TINAG: variants seen among roughly 807,000 people sequenced by gnomAD.
TINAG encodes tubulointerstitial nephritis antigen.
A neutral mutation model predicts 72.7 loss-of-function variants in TINAG; 83 were observed. The observed-to-expected ratio is 1.14, with a 90% CI of 0.96 to 1.37. The LOEUF is 1.37. Among genes scored for constraint, TINAG ranks in the 40% most tolerant of loss-of-function variants. TINAG has a pLI of 0.00. For missense variants in TINAG, 685 were observed against 576.6 expected (o/e 1.19, Z -1.93); for synonymous variants, 234 against 189.9 (o/e 1.23, Z -1.91).
chr6:54,383,559 G>A (rs1378833077), intron 10 of TINAG, among the ~76,000 whole-genome samples: 1 of 152,080 alleles, frequency 6.6e-6, no homozygotes, highest in African/African-American at 2.4e-5. Context: ...TGGGCATAAA[G>A]TGAGGACTGG....
chr6:54,335,519 T>C (rs1253833090), intron 4 of TINAG, among the ~76,000 whole-genome samples: 1 of 152,192 alleles, frequency 6.6e-6, no homozygotes, highest in Admixed American at 6.5e-5. Context: ...ACTAAATTTC[T>C]GAGTGTTAGA....
chr6:54,319,697 T>C (rs1784446767), intron 1 of TINAG, among the ~76,000 whole-genome samples: 1 of 152,180 alleles, frequency 6.6e-6, no homozygotes, highest in South Asian at 2.1e-4. Context: ...TTTCTAAACC[T>C]ATAGTTTGCC....
chr6:54,382,799 C>T (rs1763989570), intron 10 of TINAG, among the ~76,000 whole-genome samples: 1 of 152,040 alleles, frequency 6.6e-6, no homozygotes, highest in Non-Finnish European at 1.5e-5. Flanking sequence ...GGACAAAGAA[C>T]AATAGATTTT....
intron 2 of TINAG, among the ~76,000 whole-genome samples, chr6:54,320,967 A>G (rs993669410): frequency 1.3e-5 from 2 of 152,140 alleles, no homozygotes; most frequent in East Asian, 1.9e-4. Context: ...CACAGTAACT[A>G]TATAAAAACA....
chr6:54,310,510 TTC>T (rs1784218257), intron 1 of TINAG, among the ~76,000 whole-genome samples: 1 of 150,686 alleles, frequency 6.6e-6, no homozygotes, highest in Non-Finnish European at 1.5e-5. Context: ...TTCTTTCTCT[TTC>T]TTTCTTTTCT....
chr6:54,386,991 C>T (rs1044307151), intron 10 of TINAG, among the ~76,000 whole-genome samples: 1 of 151,552 alleles, frequency 6.6e-6, no homozygotes, highest in African/African-American at 2.4e-5. Flanking sequence ...AAAAATGTAT[C>T]TATCTATCTA....
chr6:54,358,634 G>A, intron 9 of TINAG, among the ~76,000 whole-genome samples: 1 of 151,642 alleles, frequency 6.6e-6, no homozygotes, highest in East Asian at 2.0e-4. Flanking sequence ...GTGCTCATCA[G>A]ATCAACCTTT....
At chr6:54,383,370 T>C (rs952988) in intron 10 of TINAG, among the ~76,000 whole-genome samples, 11,772 of 152,200 alleles carry the variant, frequency 0.077, 531 homozygotes, top group Non-Finnish European at 0.084. Flanking sequence ...ATAAACCTAT[T>C]TTTATAATAA....
intron 4 of TINAG, among the ~76,000 whole-genome samples, chr6:54,339,448 T>C (rs1029980266): frequency 1.3e-5 from 2 of 151,876 alleles, no homozygotes; most frequent in Admixed American, 1.3e-4. Context: ...GACAAAGGAG[T>C]AAAAGTCAAG....
intron 9 of TINAG, among the ~76,000 whole-genome samples, chr6:54,357,906 A>T (rs993951198): frequency 6.6e-6 from 1 of 151,904 alleles, no homozygotes. Flanking sequence ...ATTCCATCAG[A>T]TTAAAAGCCA....
At chr6:54,372,731 T>C (rs1381549491) in intron 9 of TINAG, among the ~76,000 whole-genome samples, 20 of 3,332 alleles carry the variant, frequency 6.0e-3, no homozygotes, top group African/African-American at 0.025. Flanking sequence ...TACATACATA[T>C]ATATATATAT....
At chr6:54,381,426 A>G (rs1167495635) in intron 10 of TINAG, among the ~76,000 whole-genome samples, 1 of 152,008 alleles carries the variant, frequency 6.6e-6, no homozygotes, top group Non-Finnish European at 1.5e-5. Context: ...TTAAATGTAC[A>G]CAGTAGAGGG....
chr6:54,389,692 A>C, intron 10 of TINAG, 99 bp from the exon 11 acceptor site: 2 of 1,401,314 alleles, frequency 1.4e-6, no homozygotes, highest in Non-Finnish European at 1.9e-6. Flanking sequence ...TCTATGATAA[A>C]TCAAAGGCAT....
chr6:54,358,724 T>A (rs1763137676), intron 9 of TINAG, among the ~76,000 whole-genome samples: 1 of 151,794 alleles, frequency 6.6e-6, no homozygotes, highest in African/African-American at 2.4e-5. Flanking sequence ...TTACTACTAC[T>A]CTTTGCCTTT....
Position 54,347,452 on chromosome 6 carries a change from C to G in TINAG, c.834C>G (p.Ala278=), listed in dbSNP as rs1403478827. 1.2e-6 allele frequency: 2 copies of G among 1,613,292 alleles called. No homozygotes were observed. The highest frequency in any genetic ancestry group is 3.3e-5 in the Admixed American group (2 of 59,904). The change falls in exon 6 of 11, where the codon GCC becomes GCG. Residue 278 remains alanine, a synonymous_variant. Transcript: ENST00000259782. Reference sequence around the variant, plus strand: ...CTCAGAATTTGATCTCTTGCTGTGCCAAGAACCGTCATGGATGCAATAGTG... The same window carrying G: ...CTCAGAATTTGATCTCTTGCTGTGCGAAGAACCGTCATGGATGCAATAGTG... The part of the protein sequence containing the change: ...LSPQNLISCC[A]KNRHGCNSGS...
At chr6:54,342,379 G>A (rs1217750881) in intron 4 of TINAG, among the ~76,000 whole-genome samples, 3 of 145,066 alleles carry the variant, frequency 2.1e-5, no homozygotes, top group African/African-American at 7.8e-5. Flanking sequence ...TTTTTTTTGA[G>A]ATGGAGTCTT....
chr6:54,319,382 G>T (rs567534996), intron 1 of TINAG, among the ~76,000 whole-genome samples: 1 of 152,216 alleles, frequency 6.6e-6, no homozygotes, highest in Non-Finnish European at 1.5e-5. Context: ...AATTTGATGT[G>T]AAGTTCAGTC....
chr6:54,384,751 T>A (rs958812335), intron 10 of TINAG, among the ~76,000 whole-genome samples: 1 of 152,090 alleles, frequency 6.6e-6, no homozygotes, highest in African/African-American at 2.4e-5. Flanking sequence ...AGGCAAATAT[T>A]TAAACATATC....
intron 8 of TINAG, among the ~76,000 whole-genome samples, chr6:54,351,809 C>T (rs1196648453): frequency 6.6e-6 from 1 of 151,678 alleles, no homozygotes; most frequent in Non-Finnish European, 1.5e-5. Flanking sequence ...TAGATTAGGT[C>T]GTGGATTGAA....
Sources: gnomAD v4.1 joint callset for allele counts (sites outside exome capture counted in the v4.1 genomes callset) on GRCh38, gnomAD v4.1.1 for gene constraint, MANE v1.5 for transcripts, NCBI Gene and HGNC (gene_info 2026-07-23, HGNC 2026-07-21) for gene names.